Variants in MSRA observed in about 807,000 individuals in gnomAD.
The protein encoded by MSRA is mitochondrial peptide methionine sulfoxide reductase.
Under a neutral mutation model 31.3 loss-of-function variants are expected in MSRA, and 54 were observed. The observed-to-expected ratio is 1.73, with a 90% confidence interval of 1.39 to 2.17. The LOEUF is 2.17. Among genes scored for constraint, MSRA ranks in the 30% most tolerant of loss-of-function variants. The pLI, the probability that MSRA is intolerant of heterozygous loss-of-function variation, is 0.00. For missense variants in MSRA, 507 were observed against 300.9 expected (o/e 1.69, Z -5.07); for synonymous variants, 169 against 116.5 (o/e 1.45, Z -2.90).
intron 2 of MSRA, among the ~76,000 whole-genome samples, chr8:10,242,060 T>G (rs923411239): frequency 1.3e-5 from 2 of 152,098 alleles, no homozygotes; most frequent in African/African-American, 4.8e-5. Flanking sequence ...TCACCTGAGG[T>G]CAGGAGTTCG....
At chr8:10,336,049 G>A (rs977695490) in intron 5 of MSRA, among the ~76,000 whole-genome samples, 2 of 152,028 alleles carry the variant, frequency 1.3e-5, no homozygotes, top group African/African-American at 4.8e-5. Context: ...TTATAAATAG[G>A]GAATGGGCTC....
At chr8:10,251,862 G>T (rs1004116875) in intron 3 of MSRA, among the ~76,000 whole-genome samples, 11 of 82,020 alleles carry the variant, frequency 1.3e-4, no homozygotes, top group African/African-American at 3.5e-4. Flanking sequence ...TTGACATGGT[G>T]GGGGGGGGGG....
intron 1 of MSRA, among the ~76,000 whole-genome samples, chr8:10,098,615 AAAGT>A (rs1799330184): frequency 6.6e-6 from 1 of 152,226 alleles, no homozygotes; most frequent in African/African-American, 2.4e-5. Context: ...TAATTTCAAC[AAAGT>A]ATGTTCACTT....
At chr8:10,240,961 G>C (rs562795494) in intron 2 of MSRA, among the ~76,000 whole-genome samples, 1 of 152,040 alleles carries the variant, frequency 6.6e-6, no homozygotes, top group African/African-American at 2.4e-5. Flanking sequence ...GGGGGAGTCT[G>C]GCTTCCTATT....
chr8:10,303,077 T>A (rs1176942208), intron 4 of MSRA, among the ~76,000 whole-genome samples: 2 of 152,284 alleles, frequency 1.3e-5, no homozygotes, highest in Non-Finnish European at 2.9e-5. Flanking sequence ...CATTTGACTG[T>A]CAAAGTCAAG....
chr8:10,120,086 G>A (rs762560644), intron 1 of MSRA, among the ~76,000 whole-genome samples: 5 of 152,128 alleles, frequency 3.3e-5, no homozygotes, highest in South Asian at 4.1e-4. Context: ...AAGAAATACC[G>A]AGTCTCCCAT....
At chr8:10,225,662 C>T (rs1810935712) in intron 2 of MSRA, among the ~76,000 whole-genome samples, 1 of 152,108 alleles carries the variant, frequency 6.6e-6, no homozygotes, top group Admixed American at 6.6e-5. Context: ...TGGGCTTTAG[C>T]TGTTGATGGG....
intron 5 of MSRA, among the ~76,000 whole-genome samples, chr8:10,407,094 C>G (rs1345235993): frequency 1.3e-5 from 2 of 152,182 alleles, no homozygotes; most frequent in Admixed American, 1.3e-4. Context: ...CCAGGCTGAT[C>G]TTGAACTCCG....
At chr8:10,094,594 C>G (rs1799027520) in intron 1 of MSRA, among the ~76,000 whole-genome samples, 1 of 152,180 alleles carries the variant, frequency 6.6e-6, no homozygotes, top group Non-Finnish European at 1.5e-5. Flanking sequence ...TAGAACGTGG[C>G]AGAATCAAGG....
chr8:10,167,009 C>A lies in MSRA; in HGVS notation c.143-40824C>A, dbSNP rs555754328. Among the ~76,000 whole-genome samples the A allele has an allele frequency of 2.2e-3, 333 of 152,274 alleles. 2 individuals carry two copies. The highest frequency in any genetic ancestry group is 7.6e-3 in the African/African-American group (314 of 41,564). Reference sequence around the variant, plus strand: ...AGAGGATGAGGTGACATGGAGAAGTCAGTTTACAAGAGCTGGAGCAAAGTG... The same window carrying A: ...AGAGGATGAGGTGACATGGAGAAGTAAGTTTACAAGAGCTGGAGCAAAGTG... On this transcript the variant is annotated intron_variant, in intron 1 of 5. Coordinates refer to ENST00000317173, the MANE Select transcript of MSRA (RefSeq NM_012331.5).
chr8:10,321,860 C>T (rs1302044153), intron 5 of MSRA, among the ~76,000 whole-genome samples: 1 of 152,176 alleles, frequency 6.6e-6, no homozygotes, highest in Non-Finnish European at 1.5e-5. Context: ...AGTTTGATTA[C>T]AGCGTCATGA....
chr8:10,066,629 C>T (rs1797467619), intron 1 of MSRA, among the ~76,000 whole-genome samples: 1 of 152,134 alleles, frequency 6.6e-6, no homozygotes, highest in African/African-American at 2.4e-5. Flanking sequence ...TGCCTCCCAG[C>T]TTCAAGTGAT....
intron 1 of MSRA, among the ~76,000 whole-genome samples, chr8:10,175,477 C>T (rs1029839278): frequency 2.0e-5 from 3 of 151,996 alleles, no homozygotes; most frequent in Admixed American, 2.0e-4. Context: ...AATTGATAAC[C>T]GAGATTCCAG....
intron 1 of MSRA, among the ~76,000 whole-genome samples, chr8:10,160,145 A>C (rs920754494): frequency 6.6e-6 from 1 of 152,168 alleles, no homozygotes; most frequent in Non-Finnish European, 1.5e-5. Flanking sequence ...ATTCAGCTTC[A>C]TTACAGTGGA....
chr8:10,094,391 G>A (rs956578527), intron 1 of MSRA, among the ~76,000 whole-genome samples: 2 of 152,218 alleles, frequency 1.3e-5, no homozygotes, highest in Non-Finnish European at 2.9e-5. Context: ...TCCTAATTGT[G>A]AAGATGACAC....
intron 2 of MSRA, among the ~76,000 whole-genome samples, chr8:10,217,315 C>G (rs766069021): frequency 2.0e-5 from 3 of 152,244 alleles, no homozygotes; most frequent in Non-Finnish European, 4.4e-5. Flanking sequence ...GTTTGCCACA[C>G]TGCTCTTCTC....
chr8:10,346,464 A>C (rs1159174697), intron 5 of MSRA, among the ~76,000 whole-genome samples: 1 of 152,166 alleles, frequency 6.6e-6, no homozygotes, highest in Non-Finnish European at 1.5e-5. Flanking sequence ...CATAACTCAC[A>C]TGCTGATATG....
At chr8:10,117,938 A>T (rs754749418) in intron 1 of MSRA, among the ~76,000 whole-genome samples, 1 of 152,200 alleles carries the variant, frequency 6.6e-6, no homozygotes, top group Non-Finnish European at 1.5e-5. Context: ...TGATCAGGAG[A>T]TGCTGAAGGT....
At chr8:10,129,649 G>C (rs774543125) in intron 1 of MSRA, among the ~76,000 whole-genome samples, 1 of 152,072 alleles carries the variant, frequency 6.6e-6, no homozygotes, top group African/African-American at 2.4e-5. Context: ...CAGAAGGGGT[G>C]GGAATGCTGT....
Sources: gnomAD v4.1 joint callset for allele counts (sites outside exome capture counted in the v4.1 genomes callset) on GRCh38, gnomAD v4.1.1 for gene constraint, MANE v1.5 for transcripts, NCBI Gene and HGNC (gene_info 2026-07-23, HGNC 2026-07-21) for gene names.